The following CMIP variants were observed in gnomAD, a reference collection of about 807,000 sequenced individuals.
CMIP encodes the protein c-Maf inducing protein, also known as C-Maf-inducing protein.
A neutral mutation model predicts 97.3 loss-of-function variants in CMIP; 13 were observed. The ratio of observed to expected loss-of-function variants is 0.13; its 90% confidence interval spans 0.09 to 0.21. The LOEUF is 0.21. Ranked by LOEUF, CMIP falls within the 10% of genes least tolerant of loss-of-function variation. The pLI is 1.00. For synonymous variants in CMIP, 538 were observed against 436.3 expected (o/e 1.23, Z -2.91); for missense variants, 847 against 1,024.9 (o/e 0.83, Z 2.37).
intron 1 of CMIP, among the ~76,000 whole-genome samples, chr16:81,584,054 C>T (rs967877101): frequency 7.2e-5 from 11 of 152,152 alleles, no homozygotes; most frequent in African/African-American, 2.4e-4. Context: ...GGCTCTGACC[C>T]TGGTGACTCA....
chr16:81,541,383 C>T (rs996278532), intron 1 of CMIP, among the ~76,000 whole-genome samples: 12 of 152,136 alleles, frequency 7.9e-5, no homozygotes, highest in African/African-American at 1.7e-4. Context: ...ACGGTGGAGC[C>T]GTGTAACCTG....
intron 14 of CMIP, 112 bp downstream of exon 14, chr16:81,696,779 C>A: frequency 3.4e-6 from 3 of 888,376 alleles, no homozygotes; most frequent in Non-Finnish European, 5.1e-6. Flanking sequence ...AGTTTCCCGG[C>A]TAACACAGTG....
chr16:81,682,539 T>G (rs1381350044), intron 10 of CMIP, among the ~76,000 whole-genome samples: 2 of 151,114 alleles, frequency 1.3e-5, no homozygotes, highest in East Asian at 3.9e-4. Context: ...CGTTCCATCC[T>G]GGGCAACAAG....
intron 1 of CMIP, among the ~76,000 whole-genome samples, chr16:81,576,564 A>G (rs2091192703): frequency 6.6e-6 from 1 of 152,192 alleles, no homozygotes; most frequent in Non-Finnish European, 1.5e-5. Context: ...ATCAAGGCAC[A>G]GAGAGGTCCA....
chr16:81,529,224 G>T (rs1427657506), intron 1 of CMIP, among the ~76,000 whole-genome samples: 2 of 152,232 alleles, frequency 1.3e-5, no homozygotes, highest in African/African-American at 4.8e-5. Flanking sequence ...AGGTCACAAT[G>T]CTATTGCTGC....
chr16:81,649,329 A>T (rs2092401082), intron 3 of CMIP, among the ~76,000 whole-genome samples: 1 of 152,222 alleles, frequency 6.6e-6, no homozygotes, highest in African/African-American at 2.4e-5. Context: ...GGAGCTGTGG[A>T]TGAGCTGAGG....
At chr16:81,650,197 G>A (rs956987047) in intron 3 of CMIP, among the ~76,000 whole-genome samples, 8 of 152,130 alleles carry the variant, frequency 5.3e-5, no homozygotes, top group Non-Finnish European at 7.4e-5. Flanking sequence ...TCCTGTCCTC[G>A]TAGGGTCTCC....
chr16:81,481,182 G>A (rs921927619), intron 1 of CMIP, among the ~76,000 whole-genome samples: 7 of 152,204 alleles, frequency 4.6e-5, no homozygotes, highest in African/African-American at 1.7e-4. Flanking sequence ...GCTGGGCGCC[G>A]TCTGGGGCTC....
chr16:81,674,582 A>G (rs917249496), intron 9 of CMIP, among the ~76,000 whole-genome samples: 2 of 152,142 alleles, frequency 1.3e-5, no homozygotes, highest in Non-Finnish European at 2.9e-5. Flanking sequence ...TAAACACTGC[A>G]GATCAGGGCT....
At chr16:81,629,525 G>T (rs541299811) in intron 3 of CMIP, among the ~76,000 whole-genome samples, 1 of 152,154 alleles carries the variant, frequency 6.6e-6, no homozygotes, top group Non-Finnish European at 1.5e-5. Context: ...CCGTTTGCCC[G>T]TCTAACCCCG....
Position 81,652,246 on chromosome 16 carries a change from G to C in CMIP, c.521G>C (p.Arg174Pro). 6.2e-7 allele frequency: 1 copy of C among 1,613,536 alleles called. No homozygotes were observed. Among genetic ancestry groups the C allele is most frequent in the Non-Finnish European group, 8.5e-7 (1 of 1,179,530 alleles). The part of the protein sequence containing the change: ...KYKKVLSNPS[R>P]WEVVLKEIRT... ...AAGAAAGTGCTGAGTAACCCAAGCC[G>C]CTGGGAAGTTGTCTTGAAAGAGATC... Residue 174 changes from arginine to proline, a missense_variant, in exon 4 of 21, where the codon CGC becomes CCC. Around this residue, in one of 4 missense-constraint regions of CMIP, gnomAD observed 285 missense variants for 392.2 expected, o/e 0.73. Transcript: ENST00000537098. The surrounding 1 kb of genome is among the most constrained non-coding windows in gnomAD (Gnocchi z 5.2).
intron 1 of CMIP, among the ~76,000 whole-genome samples, chr16:81,530,369 C>T (rs1194585603): frequency 6.6e-6 from 1 of 152,100 alleles, no homozygotes; most frequent in Non-Finnish European, 1.5e-5. Context: ...AGTTCCTGTT[C>T]CTCCCGTCTC....
intron 1 of CMIP, among the ~76,000 whole-genome samples, chr16:81,567,219 G>A (rs1037240574): frequency 6.6e-5 from 10 of 152,264 alleles, no homozygotes; most frequent in African/African-American, 1.7e-4. Flanking sequence ...GCCGCCTGGC[G>A]GAAACCCCGC....
intron 1 of CMIP, among the ~76,000 whole-genome samples, chr16:81,479,809 C>G (rs541688929): frequency 1.1e-4 from 17 of 152,314 alleles, no homozygotes; most frequent in South Asian, 6.2e-4. Context: ...ACCCCCGGCT[C>G]TTGAAAACCA....
rs79246761 is a variant in CMIP, at chr16:81,585,402, A to G, written c.301-22165A>G. Among the ~76,000 whole-genome samples the G allele has an allele frequency of 9.6e-3, 1,463 of 152,318 alleles. 9 individuals carry two copies. Among genetic ancestry groups the G allele is most frequent in the Middle Eastern group, 0.041 (12 of 294 alleles). On this transcript the variant is annotated intron_variant, in intron 1 of 20. Coordinates refer to ENST00000537098, the MANE Select transcript of CMIP (RefSeq NM_198390.3). ...TTTAGTACATTTATAATGTGCAATC[A>G]CTACCACTTCTATCTAGTTCCACAA...
At chr16:81,676,171 G>A (rs1026880585) in intron 9 of CMIP, among the ~76,000 whole-genome samples, 107 of 152,302 alleles carry the variant, frequency 7.0e-4, no homozygotes, top group African/African-American at 2.1e-3. Flanking sequence ...CTGCTGCCTC[G>A]TGCCAGCCCT....
chr16:81,468,068 TA>T (rs1180534461), intron 1 of CMIP, among the ~76,000 whole-genome samples: 1 of 152,060 alleles, frequency 6.6e-6, no homozygotes. Context: ...CCTTTGTTTC[TA>T]ATGTGGGGCT....
In CMIP at chr16:81,574,558, G is replaced by C. The variant is rs144054487; in HGVS notation, c.301-33009G>C. ...TGGAGGCTTTACTAATGGACAAATT[G>C]GAAAATTCAGTCACTAAAAACAGTG... On this transcript the variant is annotated intron_variant, in intron 1 of 20. Transcript: ENST00000537098. 3.6e-4 allele frequency among the ~76,000 whole-genome samples: 55 copies of C among 152,366 alleles called. No individual in the cohort carries two copies. The East Asian group carries it at 0.01, about 29-fold the overall frequency.
intron 3 of CMIP, among the ~76,000 whole-genome samples, chr16:81,651,632 A>G (rs371495612): frequency 6.6e-6 from 1 of 152,196 alleles, no homozygotes; most frequent in African/African-American, 2.4e-5. Flanking sequence ...AACTCAGAGA[A>G]AGCCCCTTTG....
Sources: gnomAD v4.1 joint callset for allele counts (sites outside exome capture counted in the v4.1 genomes callset) on GRCh38, gnomAD v4.1.1 for gene constraint, gnomAD v4.1.1 regional missense constraint, Gnocchi (gnomAD v3.1) non-coding constraint, MANE v1.5 for transcripts, NCBI Gene and HGNC (gene_info 2026-07-23, HGNC 2026-07-21) for gene names.